Variants in SMAD6 observed in about 807,000 individuals in gnomAD.
SMAD6 encodes the protein MAD homolog 6.
Under a neutral mutation model 39.4 loss-of-function variants are expected in SMAD6, and 103 were observed. The ratio of observed to expected loss-of-function variants is 2.62; its 90% confidence interval spans 2.23 to 3.08. SMAD6 has a LOEUF of 3.08. SMAD6 is among the 30% of genes most tolerant of loss of function. The pLI, the probability that SMAD6 is intolerant of heterozygous loss-of-function variation, is 0.00. For synonymous variants in SMAD6, 445 were observed against 353.3 expected (o/e 1.26, Z -2.91); for missense variants, 1,104 against 742.9 (o/e 1.49, Z -5.65).
At position 66,782,670 on chromosome 15, in the gene SMAD6, A is replaced by G. The variant is rs1471122489; in HGVS notation, c.*1135A>G. 2 of 152,394 alleles carry G rather than the reference A, an allele frequency of 1.3e-5. No individual in the cohort carries two copies. The highest frequency in any genetic ancestry group is 3.9e-4 in the East Asian group (2 of 5,192). The allele number at this position is 152,394 out of a possible 1,614,324, so 9.4% of individuals were successfully genotyped here. A position where few individuals can be genotyped will look rare whatever the true frequency, so the allele number is the denominator to read the frequency against. ...TACATGGAATTGTAGGACCAGAGCC[A>G]TATCATTAGATCAGCTTTCTGAAGA... On this transcript the variant is annotated 3_prime_UTR_variant, in exon 4 of 4. Coordinates refer to ENST00000288840, the MANE Select transcript of SMAD6 (RefSeq NM_005585.5).
intron 3 of SMAD6, among the ~76,000 whole-genome samples, chr15:66,738,614 C>T (rs759301598): frequency 2.0e-5 from 3 of 152,200 alleles, no homozygotes; most frequent in South Asian, 2.1e-4. Flanking sequence ...CCTCACCTTA[C>T]GTCACATTAA....
chr15:66,703,521 G>T lies in SMAD6; in HGVS notation c.263G>T (p.Gly88Val). The part of the protein sequence containing the change: ...QGAGRRRRAG[G>V]PPRPMSEPGA... Reference sequence around the variant, plus strand: ...GCGGGGAGGCGCCGGCGCGCAGGGGGCCCCCCGAGGCCCATGTCGGAGCCA... The same window carrying T: ...GCGGGGAGGCGCCGGCGCGCAGGGGTCCCCCCGAGGCCCATGTCGGAGCCA... Residue 88 changes from glycine to valine, a missense_variant, in exon 1 of 4, where the codon GGC becomes GTC. By Grantham distance (109) the Gly-to-Val change is moderately radical. Transcript: ENST00000288840. 1 of 1,221,132 alleles carries T rather than the reference G, an allele frequency of 8.2e-7. No individual in the cohort carries two copies. Among genetic ancestry groups the T allele is most frequent in the Non-Finnish European group, 1.0e-6 (1 of 978,690 alleles). 75.6% of individuals were successfully genotyped at this position (1,221,132 alleles called of 1,614,324 possible). A position where few individuals can be genotyped will look rare whatever the true frequency, so the allele number is the denominator to read the frequency against.
intron 2 of SMAD6, among the ~76,000 whole-genome samples, 182 bp from the exon 3 acceptor site, chr15:66,716,239 C>G (rs1252227406): frequency 6.6e-6 from 1 of 152,152 alleles, no homozygotes; most frequent in Non-Finnish European, 1.5e-5. Flanking sequence ...GCTGGCTGGT[C>G]TGGTCTGGGG....
intron 1 of SMAD6, among the ~76,000 whole-genome samples, chr15:66,711,333 A>G (rs1893221835): frequency 6.6e-6 from 1 of 152,184 alleles, no homozygotes; most frequent in South Asian, 2.1e-4. Flanking sequence ...GAGCTGCACT[A>G]AGCATTTTAC....
At chr15:66,738,322 G>A (rs1017080745) in intron 3 of SMAD6, among the ~76,000 whole-genome samples, 36 of 152,180 alleles carry the variant, frequency 2.4e-4, no homozygotes, top group Admixed American at 1.8e-3. Flanking sequence ...CTGGAGGTGT[G>A]CAGCGGGTGC....
chr15:66,720,070 G>A lies in SMAD6; in HGVS notation c.952+3572G>A, dbSNP rs185514420. Among the ~76,000 whole-genome samples the A allele has an allele frequency of 9.2e-5, 14 of 152,272 alleles. No homozygotes were observed. The East Asian group carries it at 2.3e-3, about 25-fold the overall frequency. On this transcript the variant is annotated intron_variant, in intron 3 of 3. Coordinates refer to ENST00000288840, the MANE Select transcript of SMAD6 (RefSeq NM_005585.5). ...CTGGTTTCCTCGCCTAATTCAGGGC[G>A]TGGGGTGCTGTCACCTGACTGTCCA...
intron 3 of SMAD6, among the ~76,000 whole-genome samples, chr15:66,756,572 C>G (rs533855380): frequency 5.9e-5 from 9 of 152,350 alleles, no homozygotes; most frequent in African/African-American, 2.2e-4. Flanking sequence ...TTACTCCCAT[C>G]CCTTGAAAAT....
chr15:66,731,753 G>A (rs1203809180), intron 3 of SMAD6, among the ~76,000 whole-genome samples: 1 of 152,132 alleles, frequency 6.6e-6, no homozygotes, highest in Non-Finnish European at 1.5e-5. Flanking sequence ...GAGTAGGATT[G>A]CTGGGTATAT....
rs757027884 is a variant in SMAD6, at chr15:66,781,269, C to T, written c.1225C>T (p.Pro409Ser). The change falls in exon 4 of 4, where the codon CCC becomes TCC. Residue 409 changes from proline to serine, a missense_variant. Physicochemically the swap from Pro to Ser is moderately conservative, Grantham distance 74. Transcript: ENST00000288840. ...GTGGGCCTACAACCGCGGCGAGCAC[C>T]CCATCTTCGTCAACTCCCCGACGCT... Reference protein sequence around the residue: ...GVWAYNRGEHPIFVNSPTLDA... With the variant: ...GVWAYNRGEHSIFVNSPTLDA... The T allele has an allele frequency of 3.8e-5, 61 of 1,607,576 alleles. No individual in the cohort carries two copies. Among genetic ancestry groups the T allele is most frequent in the Middle Eastern group, 1.6e-4 (1 of 6,082 alleles).
At chr15:66,760,853 C>T (rs1894185766) in intron 3 of SMAD6, among the ~76,000 whole-genome samples, 1 of 152,200 alleles carries the variant, frequency 6.6e-6, no homozygotes, top group South Asian at 2.1e-4. Flanking sequence ...CCTTCCTGCC[C>T]TTGTCATCCC....
intron 3 of SMAD6, among the ~76,000 whole-genome samples, chr15:66,738,488 G>C (rs1893753035): frequency 6.6e-6 from 1 of 152,188 alleles, no homozygotes; most frequent in Admixed American, 6.5e-5. Flanking sequence ...AATATTGCCT[G>C]TTCCACAACC....
At chr15:66,710,625 G>A (rs548469309) in intron 1 of SMAD6, among the ~76,000 whole-genome samples, 29 of 152,114 alleles carry the variant, frequency 1.9e-4, no homozygotes, top group Admixed American at 7.8e-4. Context: ...TTTAGTTTGC[G>A]ATTTGATTGT....
At chr15:66,724,034 G>A (rs577150186) in intron 3 of SMAD6, among the ~76,000 whole-genome samples, 1 of 152,330 alleles carries the variant, frequency 6.6e-6, no homozygotes, top group East Asian at 1.9e-4. Context: ...AGGAGGAACA[G>A]CTTGTGCAAA....
At position 66,747,377 on chromosome 15, in the gene SMAD6, A is replaced by T. The variant is rs1430782557; in HGVS notation, c.952+30879A>T. ...GGCTTTGATTTGGACTGCCTCCGTC[A>T]GCAGGAGGCTCTGGCCAGACTCTGC... On this transcript the variant is annotated intron_variant, in intron 3 of 3. Transcript: ENST00000288840. This position sits in a 1 kb window ranked among gnomAD's most constrained non-coding sequence, Gnocchi z 4.5. Among the ~76,000 whole-genome samples, 1 of 152,244 alleles carries T rather than the reference A, an allele frequency of 6.6e-6. No homozygotes were observed. Among genetic ancestry groups the T allele is most frequent in the Admixed American group, 6.5e-5 (1 of 15,288 alleles).
chr15:66,762,298 G>C (rs1481608280), intron 3 of SMAD6, among the ~76,000 whole-genome samples: 3 of 152,182 alleles, frequency 2.0e-5, no homozygotes, highest in Admixed American at 6.5e-5. Flanking sequence ...ATGCCTGCGT[G>C]GGTGCATCCT....
At chr15:66,723,542 G>A (rs2140615436) in intron 3 of SMAD6, among the ~76,000 whole-genome samples, 1 of 152,224 alleles carries the variant, frequency 6.6e-6, no homozygotes, top group African/African-American at 2.4e-5. Flanking sequence ...GGCTGGCCAT[G>A]GTGGCACACA....
intron 3 of SMAD6, among the ~76,000 whole-genome samples, chr15:66,743,315 G>C (rs1287308187): frequency 6.6e-6 from 1 of 152,194 alleles, no homozygotes; most frequent in African/African-American, 2.4e-5. Flanking sequence ...GACTCGGACT[G>C]CATTCTCTTG....
At chr15:66,769,574 C>CTG (rs1398774235) in intron 3 of SMAD6, among the ~76,000 whole-genome samples, 1 of 152,144 alleles carries the variant, frequency 6.6e-6, no homozygotes, top group Non-Finnish European at 1.5e-5. Context: ...GGGAGCTGGG[C>CTG]TGTGGGTACC....
intron 3 of SMAD6, among the ~76,000 whole-genome samples, chr15:66,776,456 G>GACGTTTAGCTTGGAC (rs1894470021): frequency 6.6e-6 from 1 of 152,240 alleles, no homozygotes; most frequent in Admixed American, 6.5e-5. Context: ...GAGGCTTGGA[G>GACGTTTAGCTTGGAC]ACGTTTAGCA....
Sources: allele counts gnomAD v4.1 joint callset (sites outside exome capture counted in the v4.1 genomes callset), GRCh38; gene constraint gnomAD v4.1.1; non-coding constraint Gnocchi (gnomAD v3.1); transcripts MANE v1.5; gene names NCBI Gene and HGNC (gene_info 2026-07-23, HGNC 2026-07-21).